SLC7A6: variants seen among roughly 807,000 people sequenced by gnomAD.
SLC7A6 encodes the protein Y+L amino acid transporter 2.
In SLC7A6, 29 loss-of-function variants were observed where a neutral mutation model predicts 46.6. The observed-to-expected ratio is 0.62, with a 90% CI of 0.46 to 0.85. The LOEUF is 0.85. Among genes scored for constraint, SLC7A6 ranks in the 40% least tolerant of loss-of-function variants. The probability of loss-of-function intolerance (pLI) is 0.00; values close to 1 mark genes in which losing one functional copy is unlikely to be tolerated. For synonymous variants in SLC7A6, 276 were observed against 257.3 expected (o/e 1.07, Z -0.70); for missense variants, 527 against 647.6 (o/e 0.81, Z 2.02).
intron 3 of SLC7A6, among the ~76,000 whole-genome samples, chr16:68,285,617 C>T (rs1333702202): frequency 1.3e-5 from 2 of 152,200 alleles, no homozygotes; most frequent in African/African-American, 2.4e-5. Flanking sequence ...TTGAGCCTGG[C>T]ACCTGCCACC....
intron 1 of SLC7A6, among the ~76,000 whole-genome samples, chr16:68,265,228 G>T (rs538805783): frequency 1.3e-5 from 2 of 152,328 alleles, no homozygotes; most frequent in South Asian, 4.1e-4. Context: ...GGGAACCCGC[G>T]TGCCCCTGGT....
intron 4 of SLC7A6, 190 bp from the exon 5 acceptor site, chr16:68,290,206 T>A (rs2043018896): frequency 3.4e-6 from 2 of 589,446 alleles, no homozygotes; most frequent in East Asian, 2.8e-5. Context: ...TGTTAAATTA[T>A]GTTTTTTTTT....
In SLC7A6 at chr16:68,287,801, C is replaced by T. The variant is rs771572826; in HGVS notation, c.579C>T (p.Asp193=). The T allele has an allele frequency of 9.9e-6, 16 of 1,614,228 alleles. No homozygotes were observed. Among genetic ancestry groups the T allele is most frequent in the Admixed American group, 5.0e-5 (3 of 60,032 alleles). Residue 193 remains aspartate (D), a synonymous_variant, in exon 4 of 11, where the codon GAC becomes GAT. Coordinates refer to ENST00000219343, the MANE Select transcript of SLC7A6 (RefSeq NM_003983.6). ...TCAAGTGGGGCACACGTGTGCAGGA[C>T]ACGTTCACTTACGCCAAGGTCGTAG... ...AYVKWGTRVQ[D]TFTYAKVVAL...
At chr16:68,296,972 C>G (rs780586574) in intron 10 of SLC7A6, among the ~76,000 whole-genome samples, 162 bp downstream of exon 10, 1 of 152,164 alleles carries the variant, frequency 6.6e-6, no homozygotes, top group African/African-American at 2.4e-5. Flanking sequence ...CACTTTAGTT[C>G]TAATTTTAGT....
chr16:68,287,186 C>T lies in SLC7A6; in HGVS notation c.524-560C>T, dbSNP rs375940808. On this transcript the variant is annotated intron_variant, in intron 3 of 10. Coordinates refer to ENST00000219343, the MANE Select transcript of SLC7A6 (RefSeq NM_003983.6). ...AGGGACAGGGTTTCTCCATGTTGCC[C>T]AGGCTGGTCTCTAACTCCTGGGCTC... 2.3e-5 allele frequency: 12 copies of T among 530,534 alleles called. 1 individual carries two copies. Among genetic ancestry groups the T allele is most frequent in the African/African-American group, 6.0e-5 (3 of 49,852 alleles). 32.9% of individuals were successfully genotyped at this position (530,534 alleles called of 1,614,324 possible).
chr16:68,283,276 T>C (rs2042861908), intron 3 of SLC7A6, among the ~76,000 whole-genome samples: 1 of 152,228 alleles, frequency 6.6e-6, no homozygotes, highest in African/African-American at 2.4e-5. Context: ...TTTGGATGAC[T>C]TCAGTTCTTC....
chr16:68,271,351 C>T (rs1418657613), intron 2 of SLC7A6, among the ~76,000 whole-genome samples: 4 of 152,304 alleles, frequency 2.6e-5, no homozygotes, highest in South Asian at 2.1e-4. Flanking sequence ...GTCACCCAGG[C>T]GGGAGTGCAA....
chr16:68,270,276 C>T (rs1297894131), intron 2 of SLC7A6, among the ~76,000 whole-genome samples: 1 of 152,084 alleles, frequency 6.6e-6, no homozygotes. Flanking sequence ...TGCCCTTTTC[C>T]CAGGAGAAAG....
At chr16:68,289,684 C>A (rs1341440853) in intron 4 of SLC7A6, among the ~76,000 whole-genome samples, 1 of 152,140 alleles carries the variant, frequency 6.6e-6, no homozygotes, top group Non-Finnish European at 1.5e-5. Context: ...TGGGTGCTGT[C>A]CCCTGGGCTT....
Position 68,294,374 on chromosome 16 carries a change from GGT to G in SLC7A6, c.1023-329_1023-328del, listed in dbSNP as rs1197730669. Among the ~76,000 whole-genome samples the G allele has an allele frequency of 4.6e-5, 7 of 152,318 alleles. No individual in the cohort carries two copies. In the South Asian group the frequency reaches 1.5e-3, roughly 32 times the overall value. On this transcript the variant is annotated intron_variant, in intron 7 of 10. Coordinates refer to ENST00000219343, the MANE Select transcript of SLC7A6 (RefSeq NM_003983.6). Reference sequence around the variant, plus strand: ...TTAGCTATGAATCTGGCATGGATTGGGTGAGTCTGTTAGTGGGTGACAGCAGG... The same window carrying G: ...TTAGCTATGAATCTGGCATGGATTGGGAGTCTGTTAGTGGGTGACAGCAGG...
rs774687820 is a variant in SLC7A6, at chr16:68,297,239, A to G, written c.1459A>G (p.Ile487Val). The part of the protein sequence containing the change: ...PLFIRNVLAA[I>V]TRGTQQLCFC... ...CTTGCTCTATTTTCATTTAGCTGCT[A>G]TCACCAGAGGCACCCAGCAGCTTTG... is the stretch of plus-strand genomic sequence containing the variant. Residue 487 changes from isoleucine to valine, a missense_variant, in exon 11 of 11, where the codon ATC becomes GTC. Transcript: ENST00000219343. The G allele has an allele frequency of 7.4e-6, 12 of 1,613,764 alleles. No individual in the cohort carries two copies. The South Asian group carries it at 1.2e-4, about 16-fold the overall frequency.
chr16:68,274,927 C>T lies in SLC7A6; in HGVS notation c.201C>T (p.Pro67=), dbSNP rs1257830150. 2.1e-5 allele frequency: 34 copies of T among 1,614,052 alleles called. No individual in the cohort carries two copies. In the East Asian group the frequency reaches 7.4e-4, roughly 35 times the overall value. The change falls in exon 3 of 11, where the codon CCC becomes CCT. Residue 67 remains proline (P), a synonymous_variant. Transcript: ENST00000219343. ...TCGGCTCAGGGATCTTTGTCTCACC[C>T]AAGGGTGTGCTGGTACACACTGCCT... is the stretch of plus-strand genomic sequence containing the variant. ...NMIGSGIFVS[P]KGVLVHTASY...
chr16:68,284,614 G>C, intron 3 of SLC7A6: 1 of 983,376 alleles, frequency 1.0e-6, no homozygotes, highest in Non-Finnish European at 1.2e-6. Context: ...TGGCAGGATA[G>C]AAGGAAGGAG....
intron 2 of SLC7A6, among the ~76,000 whole-genome samples, chr16:68,272,011 G>A (rs909365644): frequency 3.3e-5 from 5 of 151,960 alleles, no homozygotes. Flanking sequence ...CACCATGTTG[G>A]CCAGGATGGT....
intron 3 of SLC7A6, 30 bp downstream of exon 3, chr16:68,275,279 T>TG (rs774593933): frequency 1.1e-6 from 1 of 871,856 alleles, no homozygotes; most frequent in Non-Finnish European, 1.7e-6. Context: ...GGGAGGATGT[T>TG]GGGGGGTGGG....
At position 68,264,542 on chromosome 16, in the gene SLC7A6, G is replaced by T; in HGVS notation, c.-200G>T. On this transcript the variant is annotated 5_prime_UTR_variant, in exon 1 of 11. Transcript: ENST00000219343. This position sits in a 1 kb window ranked among gnomAD's most constrained non-coding sequence, Gnocchi z 5.8. ...TGAGCTGCCGCGGCGGCGGCGGCGC[G>T]ACCGAGCATCCTGGCGGCGCCGGGC... 1.3e-5 allele frequency: 2 copies of T among 151,518 alleles called. No homozygotes were observed. The highest frequency in any genetic ancestry group is 3.9e-4 in the South Asian group (2 of 5,154). 9.4% of individuals were successfully genotyped at this position (151,518 alleles called of 1,614,324 possible). A position where few individuals can be genotyped will look rare whatever the true frequency, so the allele number is the denominator to read the frequency against.
intron 2 of SLC7A6, among the ~76,000 whole-genome samples, chr16:68,270,229 T>C (rs2042603125): frequency 6.6e-6 from 1 of 152,148 alleles, no homozygotes; most frequent in Non-Finnish European, 1.5e-5. Context: ...CCTGTTTGTT[T>C]CCCTGGGTCT....
intron 7 of SLC7A6, 102 bp downstream of exon 7, chr16:68,291,763 G>GTA: frequency 6.8e-6 from 2 of 295,620 alleles, no homozygotes. Flanking sequence ...GGCATATAGG[G>GTA]TGTGTGTGTG....
At chr16:68,287,401 G>T (rs1472454899) in intron 3 of SLC7A6, 8 of 1,306,352 alleles carry the variant, frequency 6.1e-6, no homozygotes, top group Non-Finnish European at 1.0e-6. Flanking sequence ...TGTGTCTCCT[G>T]TGGTTTGGAA....
Sources: gnomAD v4.1 joint callset for allele counts (sites outside exome capture counted in the v4.1 genomes callset) on GRCh38, gnomAD v4.1.1 for gene constraint, Gnocchi (gnomAD v3.1) non-coding constraint, MANE v1.5 for transcripts, NCBI Gene and HGNC (gene_info 2026-07-23, HGNC 2026-07-21) for gene names.